The following RELN variants were observed in gnomAD, a reference collection of about 807,000 sequenced individuals.
RELN encodes reelin.
A neutral mutation model predicts 427.6 loss-of-function variants in RELN; 108 were observed. That is an observed-to-expected ratio of 0.25 (90% CI 0.22 to 0.30). RELN has a LOEUF of 0.30. Among genes scored for constraint, RELN ranks in the 10% least tolerant of loss-of-function variants. The pLI, the probability that RELN is intolerant of heterozygous loss-of-function variation, is 1.00. For missense variants in RELN, 3,715 were observed against 4,302.8 expected (o/e 0.86, Z 3.82); for synonymous variants, 1,524 against 1,513.4 (o/e 1.01, Z -0.16).
At chr7:103,879,261 T>C (rs1794552697) in intron 2 of RELN, among the ~76,000 whole-genome samples, 1 of 152,234 alleles carries the variant, frequency 6.6e-6, no homozygotes, top group South Asian at 2.1e-4. Context: ...AATAGAATAA[T>C]TGAGCTAATA....
chr7:103,572,918 T>C (rs999755783), intron 30 of RELN, among the ~76,000 whole-genome samples: 9 of 151,796 alleles, frequency 5.9e-5, no homozygotes, highest in Non-Finnish European at 4.4e-5. Context: ...TACATAGGTA[T>C]ACACATGCCA....
At chr7:103,741,540 A>ATT (rs1407780443) in intron 6 of RELN, among the ~76,000 whole-genome samples, 3 of 151,928 alleles carry the variant, frequency 2.0e-5, no homozygotes, top group African/African-American at 4.8e-5. Context: ...AATATATCAC[A>ATT]AGAGAAAAAA....
intron 6 of RELN, among the ~76,000 whole-genome samples, chr7:103,743,722 A>C (rs1394945259): frequency 3.3e-5 from 5 of 152,200 alleles, no homozygotes; most frequent in African/African-American, 4.8e-5. Context: ...ACTATCCTAA[A>C]TATATATGCA....
chr7:103,761,380 T>C (rs1345487479), intron 4 of RELN, among the ~76,000 whole-genome samples: 2 of 152,222 alleles, frequency 1.3e-5, no homozygotes, highest in African/African-American at 4.8e-5. Flanking sequence ...TTGCTTACAA[T>C]ATAAATACAA....
intron 2 of RELN, among the ~76,000 whole-genome samples, chr7:103,885,678 G>C: frequency 6.6e-6 from 1 of 152,120 alleles, no homozygotes; most frequent in Non-Finnish European, 1.5e-5. Context: ...CATGGCACAA[G>C]TATGCCTATG....
At chr7:103,490,371 TG>T (rs1828609892) in intron 59 of RELN, among the ~76,000 whole-genome samples, 1 of 152,180 alleles carries the variant, frequency 6.6e-6, no homozygotes, top group African/African-American at 2.4e-5. Context: ...AGTCTTGGAT[TG>T]GGGTCTGTCA....
chr7:103,873,330 G>A (rs1396534591), intron 2 of RELN, among the ~76,000 whole-genome samples: 1 of 136,398 alleles, frequency 7.3e-6, no homozygotes, highest in Non-Finnish European at 1.6e-5. Flanking sequence ...TCAAAAGCTA[G>A]CAGAAGGCAA....
At chr7:103,495,603 G>T in intron 57 of RELN, 120 bp downstream of exon 57, 2 of 966,320 alleles carry the variant, frequency 2.1e-6, no homozygotes, top group Non-Finnish European at 3.3e-6. Flanking sequence ...TTATTCATAA[G>T]ATAAAGTCTT....
chr7:103,742,256 A>C (rs1488979105), intron 6 of RELN, among the ~76,000 whole-genome samples: 2 of 152,020 alleles, frequency 1.3e-5, no homozygotes, highest in Non-Finnish European at 2.9e-5. Context: ...CACACCAAAA[A>C]CCCATCTGTA....
At chr7:103,577,436 G>A (rs576126957) in intron 28 of RELN, among the ~76,000 whole-genome samples, 3 of 152,008 alleles carry the variant, frequency 2.0e-5, no homozygotes, top group Non-Finnish European at 4.4e-5. Context: ...CCCCGTTTCA[G>A]TGTAAGAGGA....
At chr7:103,923,689 C>T (rs572986649) in intron 1 of RELN, among the ~76,000 whole-genome samples, 1 of 152,050 alleles carries the variant, frequency 6.6e-6, no homozygotes, top group Admixed American at 6.6e-5. Context: ...ATAAGGGGCA[C>T]GATGAGGAAG....
At chr7:103,924,495 C>A (rs928464431) in intron 1 of RELN, among the ~76,000 whole-genome samples, 2 of 152,112 alleles carry the variant, frequency 1.3e-5, no homozygotes, top group Non-Finnish European at 2.9e-5. Context: ...TTTGTCTCCA[C>A]CTGCAAGGAG....
At chr7:103,498,617 G>A (rs567050130) in intron 53 of RELN, among the ~76,000 whole-genome samples, 1 of 151,892 alleles carries the variant, frequency 6.6e-6, no homozygotes, top group Non-Finnish European at 1.5e-5. Context: ...TCTGCCTCCT[G>A]AGTAGCTGGG....
At chr7:103,660,366 G>A (rs1833112737) in intron 12 of RELN, among the ~76,000 whole-genome samples, 1 of 152,078 alleles carries the variant, frequency 6.6e-6, no homozygotes, top group Non-Finnish European at 1.5e-5. Context: ...TGAAGGTGAG[G>A]TTGTCCTTAA....
intron 57 of RELN, among the ~76,000 whole-genome samples, chr7:103,494,822 G>A (rs1165253153): frequency 6.6e-6 from 1 of 151,860 alleles, no homozygotes; most frequent in Admixed American, 6.6e-5. Flanking sequence ...GTTCCAACAG[G>A]ACTAATGTAG....
At chr7:103,669,071 A>G (rs1185485548) in intron 11 of RELN, among the ~76,000 whole-genome samples, 1 of 152,208 alleles carries the variant, frequency 6.6e-6, no homozygotes, top group Non-Finnish European at 1.5e-5. Context: ...ACATTGTGTG[A>G]GATATGATTC....
At chr7:103,887,842 C>G (rs1794758478) in intron 2 of RELN, among the ~76,000 whole-genome samples, 1 of 151,976 alleles carries the variant, frequency 6.6e-6, no homozygotes, top group Admixed American at 6.6e-5. Context: ...GAAGTTCTTC[C>G]ATTTCCTTCC....
At chr7:103,522,852 C>CAGACACACACACACACAA (rs1554369904) in intron 47 of RELN, among the ~76,000 whole-genome samples, 1 of 150,488 alleles carries the variant, frequency 6.6e-6, no homozygotes, top group Non-Finnish European at 1.5e-5. Flanking sequence ...CACACACACA[C>CAGACACACACACACACAA]CCCCACACCT....
Position 103,848,319 on chromosome 7 carries a change from C to CT in RELN, c.338-14648dup, listed in dbSNP as rs1294990716. ...TTTCAACATTTAATGAATTGAAGCC[C>CT]TGGGTACAGCTATTGACATTTTCAG... On this transcript the variant is annotated intron_variant, in intron 2 of 64. Coordinates refer to ENST00000428762, the MANE Select transcript of RELN (RefSeq NM_005045.4). Among the ~76,000 whole-genome samples, 3 of 152,110 alleles carry CT rather than the reference C, an allele frequency of 2.0e-5. No homozygotes were observed. The East Asian group carries it at 5.8e-4, about 29-fold the overall frequency.
Sources: gnomAD v4.1 joint callset for allele counts (sites outside exome capture counted in the v4.1 genomes callset) on GRCh38, gnomAD v4.1.1 for gene constraint, MANE v1.5 for transcripts, NCBI Gene and HGNC (gene_info 2026-07-23, HGNC 2026-07-21) for gene names.